GRAMD1B: variants seen among roughly 807,000 people sequenced by gnomAD.
The protein encoded by GRAMD1B is GRAM domain containing 1B.
Under a neutral mutation model 99.7 loss-of-function variants are expected in GRAMD1B, and 37 were observed. The ratio of observed to expected loss-of-function variants is 0.37; its 90% confidence interval spans 0.29 to 0.49. The LOEUF is 0.49. Ranked by LOEUF, GRAMD1B falls within the 20% of genes least tolerant of loss-of-function variation. The pLI, the probability that GRAMD1B is intolerant of heterozygous loss-of-function variation, is 0.98. For synonymous variants in GRAMD1B, 427 were observed against 387.6 expected (o/e 1.10, Z -1.19); for missense variants, 888 against 1,009.2 (o/e 0.88, Z 1.63).
chr11:123,566,627 G>T (rs955491363), intron 2 of GRAMD1B, among the ~76,000 whole-genome samples: 7 of 152,186 alleles, frequency 4.6e-5, no homozygotes, highest in Non-Finnish European at 8.8e-5. Context: ...TTAGCCACGC[G>T]TGGTGGCGGG....
intron 1 of GRAMD1B, among the ~76,000 whole-genome samples, chr11:123,474,609 G>A (rs1951172847): frequency 3.3e-5 from 5 of 152,222 alleles, no homozygotes; most frequent in Admixed American, 3.3e-4. Flanking sequence ...TATGTCCCAA[G>A]GACCTCAATC....
At chr11:123,495,504 G>T (rs971591964) in intron 2 of GRAMD1B, among the ~76,000 whole-genome samples, 1 of 151,912 alleles carries the variant, frequency 6.6e-6, no homozygotes, top group Non-Finnish European at 1.5e-5. Flanking sequence ...ATACTAGGTC[G>T]CATTTTTTCT....
chr11:123,535,601 T>C (rs1351028538), intron 2 of GRAMD1B, among the ~76,000 whole-genome samples: 1 of 152,160 alleles, frequency 6.6e-6, no homozygotes, highest in African/African-American at 2.4e-5. Flanking sequence ...CCTTCCCTCA[T>C]AGTGAGCCAT....
chr11:123,508,231 C>T lies in GRAMD1B; in HGVS notation c.452+27338C>T, dbSNP rs1041993936. On this transcript the variant is annotated intron_variant, in intron 2 of 19. Transcript: ENST00000635736. The stretch of plus-strand genomic sequence containing the variant: ...ACCAGCATCTGGAGAAGGCCTTGTG[C>T]TGAGTTACCCTGTGGCAGAAGGGCA... 3.9e-5 allele frequency among the ~76,000 whole-genome samples: 6 copies of T among 152,138 alleles called. No individual in the cohort carries two copies. The South Asian group carries it at 6.2e-4, about 16-fold the overall frequency.
chr11:123,616,066 G>A (rs1954335030), intron 17 of GRAMD1B, among the ~76,000 whole-genome samples: 1 of 152,170 alleles, frequency 6.6e-6, no homozygotes, highest in Non-Finnish European at 1.5e-5. Context: ...GCTCACACGT[G>A]TAATCCCAGC....
intron 1 of GRAMD1B, chr11:123,458,468 CT>C (rs1253883395): frequency 6.6e-6 from 1 of 152,236 alleles, no homozygotes; most frequent in African/African-American, 2.4e-5. Flanking sequence ...ATGCTGATCT[CT>C]TCTGGCAACA....
chr11:123,463,872 C>T (rs1950546460), intron 1 of GRAMD1B, among the ~76,000 whole-genome samples: 1 of 152,158 alleles, frequency 6.6e-6, no homozygotes, highest in African/African-American at 2.4e-5. Context: ...GTGTAAAGGC[C>T]TCAGGAAGAG....
chr11:123,627,676 C>T lies in GRAMD1B; in HGVS notation c.*5081C>T, dbSNP rs948936824. 1 of 152,268 alleles carries T rather than the reference C, an allele frequency of 6.6e-6. No homozygotes were observed. Among genetic ancestry groups the T allele is most frequent in the Non-Finnish European group, 1.5e-5 (1 of 68,056 alleles). 9.4% of individuals were successfully genotyped at this position (152,268 alleles called of 1,614,324 possible). A position where few individuals can be genotyped will look rare whatever the true frequency, so the allele number is the denominator to read the frequency against. ...AAAACTTACTGCTAGTACCTAGAAA[C>T]ACACAAGGCTGCCCAGCCAAATCTT... On this transcript the variant is annotated 3_prime_UTR_variant, in exon 20 of 20. Transcript: ENST00000635736.
At chr11:123,457,795 A>G (rs576095454) in intron 1 of GRAMD1B, among the ~76,000 whole-genome samples, 44 of 152,300 alleles carry the variant, frequency 2.9e-4, no homozygotes, top group Middle Eastern at 3.4e-3. Flanking sequence ...CGCTTACTGC[A>G]GCCACGACCT....
chr11:123,516,525 A>G (rs1044693988), intron 2 of GRAMD1B, among the ~76,000 whole-genome samples: 1 of 152,214 alleles, frequency 6.6e-6, no homozygotes, highest in African/African-American at 2.4e-5. Flanking sequence ...GCAAATAGAA[A>G]GCTCTTGTCT....
At chr11:123,493,240 T>C (rs1460700318) in intron 2 of GRAMD1B, among the ~76,000 whole-genome samples, 1 of 152,216 alleles carries the variant, frequency 6.6e-6, no homozygotes, top group Non-Finnish European at 1.5e-5. Flanking sequence ...GTTTCCTTTC[T>C]GAAAAATGAA....
At chr11:123,435,945 T>TTC (rs1949138858) in intron 1 of GRAMD1B, among the ~76,000 whole-genome samples, 1 of 144,320 alleles carries the variant, frequency 6.9e-6, no homozygotes, top group African/African-American at 2.6e-5. Context: ...TACTTTTTTT[T>TTC]TTTTTTTTTT....
At chr11:123,605,696 T>C (rs1329230681) in intron 10 of GRAMD1B, among the ~76,000 whole-genome samples, 1 of 152,206 alleles carries the variant, frequency 6.6e-6, no homozygotes. Context: ...GGTACAAGAC[T>C]GGGTTTGACT....
chr11:123,569,075 C>A (rs60084548), intron 2 of GRAMD1B, among the ~76,000 whole-genome samples: 7,804 of 152,190 alleles, frequency 0.051, 654 homozygotes, highest in African/African-American at 0.17. Context: ...AGGGGAAGAA[C>A]CATCCTGCTG....
chr11:123,543,092 C>T (rs1304135996), intron 2 of GRAMD1B, among the ~76,000 whole-genome samples: 2 of 151,942 alleles, frequency 1.3e-5, no homozygotes, highest in African/African-American at 2.4e-5. Context: ...CTCGATTTTA[C>T]TGCCGTTAAG....
At chr11:123,513,832 T>C (rs1941408010) in intron 2 of GRAMD1B, among the ~76,000 whole-genome samples, 1 of 151,708 alleles carries the variant, frequency 6.6e-6, no homozygotes, top group Non-Finnish European at 1.5e-5. Context: ...AATTTTTTAT[T>C]TTTTGTAGAA....
chr11:123,409,721 C>T (rs972972851), intron 1 of GRAMD1B, among the ~76,000 whole-genome samples: 1 of 152,104 alleles, frequency 6.6e-6, no homozygotes, highest in African/African-American at 2.4e-5. Flanking sequence ...CAAACAAGGG[C>T]CTGTGAAAAA....
chr11:123,555,057 A>G (rs1040782184), intron 2 of GRAMD1B, among the ~76,000 whole-genome samples: 2 of 152,202 alleles, frequency 1.3e-5, no homozygotes, highest in African/African-American at 4.8e-5. Flanking sequence ...CAGAACAAAA[A>G]AGGGCAGCCC....
chr11:123,462,908 A>AAG (rs1555126062), intron 1 of GRAMD1B, among the ~76,000 whole-genome samples: 214 of 150,470 alleles, frequency 1.4e-3, no homozygotes, highest in African/African-American at 4.1e-3. Flanking sequence ...AAAAAAAAAA[A>AAG]AAAAGAAATC....
Sources: gnomAD v4.1 joint callset for allele counts (sites outside exome capture counted in the v4.1 genomes callset) on GRCh38, gnomAD v4.1.1 for gene constraint, MANE v1.5 for transcripts, NCBI Gene and HGNC (gene_info 2026-07-23, HGNC 2026-07-21) for gene names.